PTPRM: variants seen among roughly 807,000 people sequenced by gnomAD.
PTPRM encodes the protein protein tyrosine phosphatase receptor type M, also known as receptor-type tyrosine-protein phosphatase mu.
Under a neutral mutation model 186.7 loss-of-function variants are expected in PTPRM, and 47 were observed. That is an observed-to-expected ratio of 0.25 (90% CI 0.20 to 0.32). The LOEUF (loss-of-function observed/expected upper bound fraction) is 0.32, where lower values mean the gene tolerates loss of function less well. Ranked by LOEUF, PTPRM falls within the 10% of genes least tolerant of loss-of-function variation. PTPRM has a pLI of 1.00. For synonymous variants in PTPRM, 668 were observed against 674.9 expected (o/e 0.99, Z 0.16); for missense variants, 1,494 against 1,865.0 (o/e 0.80, Z 3.66).
Position 8,372,133 on chromosome 18 carries a change from G to A in PTPRM, c.3171+1127G>A, listed in dbSNP as rs527435245. Among the ~76,000 whole-genome samples the A allele has an allele frequency of 3.1e-3, 398 of 129,672 alleles. 11 individuals carry two copies. The highest frequency in any genetic ancestry group is 0.011 in the African/African-American group (366 of 34,270). The allele number at this position is 129,672 out of a possible 152,430, so 85.1% of individuals were successfully genotyped here. ...AGGCCGGACTGCGGACTGCAGTGGC[G>A]CAATCTCGGCTCACTGCAAGCTCCG... On this transcript the variant is annotated intron_variant, in intron 24 of 32. Coordinates refer to ENST00000580170, the MANE Select transcript of PTPRM (RefSeq NM_001105244.2).
intron 19 of PTPRM, among the ~76,000 whole-genome samples, chr18:8,274,201 C>T (rs985555137): frequency 3.9e-5 from 6 of 152,168 alleles, no homozygotes; most frequent in African/African-American, 9.7e-5. Flanking sequence ...CCATGTTGGA[C>T]TTCTTGTTTA....
chr18:8,384,152 A>G (rs2095756445), intron 29 of PTPRM, among the ~76,000 whole-genome samples: 1 of 152,232 alleles, frequency 6.6e-6, no homozygotes, highest in South Asian at 2.1e-4. Flanking sequence ...AGTCAGTGAA[A>G]TCTTCAGAAT....
At chr18:8,001,937 G>T (rs1413234239) in intron 7 of PTPRM, among the ~76,000 whole-genome samples, 3 of 152,198 alleles carry the variant, frequency 2.0e-5, no homozygotes, top group African/African-American at 7.2e-5. Flanking sequence ...TGTCATAATT[G>T]ATGTTTCCTT....
chr18:8,376,518 C>G lies in PTPRM; in HGVS notation c.3383C>G (p.Ala1128Gly), dbSNP rs200105528. ...FIVIDIMLDM[A>G]EREGVVDIYN... ...GTCATTGATATCATGTTGGACATGG[C>G]CGAAAGGGAAGGGGTCGTAGACATC... Residue 1128 changes from alanine (A) to glycine (G), a missense_variant, in exon 26 of 33, where the codon GCC becomes GGC. Transcript: ENST00000580170. 1.9e-6 allele frequency: 3 copies of G among 1,613,842 alleles called. No individual in the cohort carries two copies. Among genetic ancestry groups the G allele is most frequent in the Non-Finnish European group, 2.5e-6 (3 of 1,179,974 alleles).
intron 3 of PTPRM, among the ~76,000 whole-genome samples, chr18:7,897,856 A>G (rs780065199): frequency 6.6e-5 from 10 of 152,114 alleles, no homozygotes; most frequent in Admixed American, 5.2e-4. Flanking sequence ...ATTATATCAT[A>G]CTTTTCTCTA....
chr18:7,719,453 A>G (rs2040406725), intron 1 of PTPRM, among the ~76,000 whole-genome samples: 1 of 152,084 alleles, frequency 6.6e-6, no homozygotes, highest in Admixed American at 6.6e-5. Context: ...TCAGGTGACA[A>G]GTGCACCAAA....
chr18:7,604,827 GCTGGTGTCCCTATTTCTT>G (rs1160556554), intron 1 of PTPRM, among the ~76,000 whole-genome samples: 24 of 152,164 alleles, frequency 1.6e-4, no homozygotes, highest in Admixed American at 1.6e-3. Context: ...GTGTACTTCA[GCTGGTGTCCCTATTTCTT>G]CTAATTTAGT....
intron 5 of PTPRM, among the ~76,000 whole-genome samples, chr18:7,930,268 C>A (rs1457047883): frequency 6.6e-6 from 1 of 152,050 alleles, no homozygotes; most frequent in African/African-American, 2.4e-5. Flanking sequence ...CAGGTTTTCA[C>A]CATGTTGCCT....
At chr18:7,747,904 A>G (rs750462016) in intron 1 of PTPRM, among the ~76,000 whole-genome samples, 4 of 152,304 alleles carry the variant, frequency 2.6e-5, no homozygotes, top group East Asian at 1.9e-4. Context: ...CCATTTTTAT[A>G]TAAGGAATGT....
intron 2 of PTPRM, among the ~76,000 whole-genome samples, chr18:7,867,990 C>CTTG (rs1285646534): frequency 8.5e-5 from 13 of 152,210 alleles, no homozygotes; most frequent in African/African-American, 2.4e-4. Context: ...ATTGATTTGG[C>CTTG]TATTGATACT....
At chr18:7,846,287 C>T (rs2046591731) in intron 2 of PTPRM, among the ~76,000 whole-genome samples, 2 of 152,148 alleles carry the variant, frequency 1.3e-5, no homozygotes, top group South Asian at 4.1e-4. Flanking sequence ...TTACATACAG[C>T]AGTGGTGTTT....
At chr18:7,619,623 C>T (rs1238037490) in intron 1 of PTPRM, among the ~76,000 whole-genome samples, 1 of 152,190 alleles carries the variant, frequency 6.6e-6, no homozygotes, top group Non-Finnish European at 1.5e-5. Flanking sequence ...CACAGTTTGT[C>T]TGTTGAAGCT....
At chr18:8,376,283 T>C (rs2095694477) in intron 25 of PTPRM, 83 bp downstream of exon 25, 2 of 1,561,448 alleles carry the variant, frequency 1.3e-6, no homozygotes, top group Non-Finnish European at 1.7e-6. Flanking sequence ...GAGTATGTTT[T>C]AGAACTTCAG....
intron 6 of PTPRM, among the ~76,000 whole-genome samples, chr18:7,954,055 A>G (rs1051798528): frequency 2.0e-5 from 3 of 152,178 alleles, no homozygotes; most frequent in African/African-American, 7.2e-5. Flanking sequence ...GTTTTGTACA[A>G]TGATCTCATT....
chr18:8,071,477 C>T (rs1279719817), intron 8 of PTPRM, among the ~76,000 whole-genome samples: 1 of 152,206 alleles, frequency 6.6e-6, no homozygotes. Context: ...ACTCACTAAT[C>T]TTAAAAATGT....
chr18:8,139,102 C>T (rs559535444), intron 13 of PTPRM, among the ~76,000 whole-genome samples: 11 of 152,272 alleles, frequency 7.2e-5, no homozygotes, highest in African/African-American at 1.7e-4. Flanking sequence ...CAACTGCCTA[C>T]TTGCTATCTC....
At chr18:7,821,599 T>C (rs1295032460) in intron 2 of PTPRM, among the ~76,000 whole-genome samples, 1 of 152,178 alleles carries the variant, frequency 6.6e-6, no homozygotes, top group Non-Finnish European at 1.5e-5. Flanking sequence ...ATGTTTAATT[T>C]ATAAATTGGG....
At chr18:8,281,967 T>G (rs1229746693) in intron 19 of PTPRM, among the ~76,000 whole-genome samples, 1 of 152,056 alleles carries the variant, frequency 6.6e-6, no homozygotes, top group Non-Finnish European at 1.5e-5. Flanking sequence ...TCATTAAAAT[T>G]TAAAACTCTT....
In PTPRM at chr18:8,350,039, C is replaced by G. The variant is rs189715491; in HGVS notation, c.3054+6519C>G. On this transcript the variant is annotated intron_variant, in intron 23 of 32. Coordinates refer to ENST00000580170, the MANE Select transcript of PTPRM (RefSeq NM_001105244.2). ...TACAGGTTGAAGGTTCAGGGCCTGT[C>G]GGGGCAAATCCTCTAAGTTCCTATG... is the stretch of plus-strand genomic sequence containing the variant. 3.1e-3 allele frequency among the ~76,000 whole-genome samples: 476 copies of G among 152,286 alleles called. 2 individuals are homozygous for G. Among genetic ancestry groups the G allele is most frequent in the African/African-American group, 0.011 (448 of 41,556 alleles).
Sources: gnomAD v4.1 joint callset for allele counts (sites outside exome capture counted in the v4.1 genomes callset) on GRCh38, gnomAD v4.1.1 for gene constraint, MANE v1.5 for transcripts, NCBI Gene and HGNC (gene_info 2026-07-23, HGNC 2026-07-21) for gene names.